RILP: variants seen among roughly 807,000 people sequenced by gnomAD.
RILP encodes the protein Rab interacting lysosomal protein, also known as rab-interacting lysosomal protein.
RILP carries 53 observed loss-of-function variants against 40.0 expected under a neutral mutation model. The observed-to-expected ratio is 1.32, with a 90% CI of 1.06 to 1.66. The LOEUF is 1.66. RILP is among the 40% of genes most tolerant of loss of function. The pLI, the probability that RILP is intolerant of heterozygous loss-of-function variation, is 0.00. For synonymous variants in RILP, 272 were observed against 250.6 expected, an observed-to-expected ratio of 1.09 and a Z score of -0.80; for missense variants, 626 against 551.7, an observed-to-expected ratio of 1.13 and a Z score of -1.35.
Position 1,646,276 on chromosome 17 carries a change from T to G in RILP, c.*166A>C. 1 of 548,078 alleles carries G rather than the reference T, an allele frequency of 1.8e-6. No homozygotes were observed. Among genetic ancestry groups the G allele is most frequent in the South Asian group, 3.3e-5 (1 of 30,730 alleles). 34.0% of individuals were successfully genotyped at this position (548,078 alleles called of 1,614,324 possible). On this transcript the variant is annotated 3_prime_UTR_variant, in exon 8 of 8. Coordinates refer to ENST00000301336, the MANE Select transcript of RILP (RefSeq NM_031430.3). This position sits in a 1 kb window ranked among gnomAD's most constrained non-coding sequence, Gnocchi z 4.3. ...TGAGACTCAGAGAGGCACTCTTATA[T>G]CTGGCCCCAGAGGCTCGGTACAGAG...
rs183827902 is a variant in RILP, at chr17:1,649,225, C to T, written c.404G>A (p.Arg135Gln). 0.015 allele frequency: 22,347 copies of T among 1,489,636 alleles called. 222 individuals carry two copies. The highest frequency in any genetic ancestry group is 0.017 in the Non-Finnish European group (19,375 of 1,127,200). The allele number at this position is 1,489,636 out of a possible 1,614,324, so 92.3% of individuals were successfully genotyped here. The stretch of plus-strand genomic sequence containing the variant: ...CGCCTCGGTCTCCTGGCCGCGCTGC[C>T]GCAGGTCGCGGTTGTGCGCCCGGAG... ...DELRAHNRDL[R>Q]QRGQETEALQ... Residue 135 changes from arginine (R) to glutamine (Q), a missense_variant, in exon 3 of 8, where the codon CGG becomes CAG. Arg to Gln is a conservative substitution (Grantham distance 43). Coordinates refer to ENST00000301336, the MANE Select transcript of RILP (RefSeq NM_031430.3). The surrounding 1 kb of genome is among the most constrained non-coding windows in gnomAD (Gnocchi z 4.3).
chr17:1,647,288 T>C (rs913813049), intron 6 of RILP, among the ~76,000 whole-genome samples: 50 of 152,028 alleles, frequency 3.3e-4, no homozygotes, highest in African/African-American at 1.1e-3. Context: ...TATAGGCACA[T>C]GCCACCATGC....
At chr17:1,647,103 C>T in intron 6 of RILP, 114 bp from the exon 7 acceptor site, 1 of 558,862 alleles carries the variant, frequency 1.8e-6, no homozygotes. Context: ...GGAGAGAAGG[C>T]AACCCTGGGG....
At position 1,649,432 on chromosome 17, in the gene RILP, T is replaced by C; in HGVS notation, c.302A>G (p.Glu101Gly). 1.3e-6 allele frequency: 2 copies of C among 1,508,962 alleles called. No individual in the cohort carries two copies. The allele number at this position is 1,508,962 out of a possible 1,614,324, so 93.5% of individuals were successfully genotyped here. A position where few individuals can be genotyped will look rare whatever the true frequency, so the allele number is the denominator to read the frequency against. ...CTTACCCTGTGGCCCCGCGCGCAGC[T>C]CCCTGCGGAGGCGCTCGTTCTCCTC... ...LREENERLRR[E>G]LRAGPQEERA... The change falls in exon 2 of 8, where the codon GAG becomes GGG. Residue 101 changes from glutamate to glycine, a missense_variant. Coordinates refer to ENST00000301336, the MANE Select transcript of RILP (RefSeq NM_031430.3). The surrounding 1 kb of genome is among the most constrained non-coding windows in gnomAD (Gnocchi z 4.3).
chr17:1,647,081 G>T (rs1910640649), intron 6 of RILP, 92 bp from the exon 7 acceptor site: 1 of 756,644 alleles, frequency 1.3e-6, no homozygotes, highest in Non-Finnish European at 2.0e-6. Context: ...GGACTGCAGG[G>T]CCCCCGGGGC....
chr17:1,648,592 G>A lies in RILP; in HGVS notation c.676-97C>T. 6.6e-7 allele frequency: 1 copy of A among 1,511,876 alleles called. No individual in the cohort carries two copies. The highest frequency in any genetic ancestry group is 2.3e-5 in the East Asian group (1 of 43,258). 93.7% of individuals were successfully genotyped at this position (1,511,876 alleles called of 1,614,324 possible). On this transcript the variant is annotated intron_variant, in intron 4 of 7. Coordinates refer to ENST00000301336, the MANE Select transcript of RILP (RefSeq NM_031430.3). This position sits in a 1 kb window ranked among gnomAD's most constrained non-coding sequence, Gnocchi z 4.9. The stretch of plus-strand genomic sequence containing the variant: ...TGCTAGAGGAAGTGACGGGCCGGGA[G>A]ACTTGGGGGACAAGGGTGCCCTAAC...
chr17:1,646,835 A>T lies in RILP; in HGVS notation c.1028+71T>A. The T allele has an allele frequency of 8.2e-7, 1 of 1,218,274 alleles. No individual in the cohort carries two copies. The highest frequency in any genetic ancestry group is 1.1e-6 in the Non-Finnish European group (1 of 873,170). The allele number at this position is 1,218,274 out of a possible 1,614,324, so 75.5% of individuals were successfully genotyped here. A position where few individuals can be genotyped will look rare whatever the true frequency, so the allele number is the denominator to read the frequency against. ...GACGGGCAGAGAAGCGGGAAAGGGGATCCTGAGAAGGACCAGCCAGGGCCC... is the reference window on the plus strand; with the variant it reads ...GACGGGCAGAGAAGCGGGAAAGGGGTTCCTGAGAAGGACCAGCCAGGGCCC... On this transcript the variant is annotated intron_variant, in intron 7 of 7. Transcript: ENST00000301336. The surrounding 1 kb of genome is among the most constrained non-coding windows in gnomAD (Gnocchi z 4.3).
intron 6 of RILP, among the ~76,000 whole-genome samples, 190 bp from the exon 7 acceptor site, chr17:1,647,179 G>A (rs1255819060): frequency 6.6e-6 from 1 of 151,334 alleles, no homozygotes; most frequent in East Asian, 1.9e-4. Flanking sequence ...TCACTCTGTC[G>A]CCCAGGCTGG....
In RILP at chr17:1,648,302, G is replaced by C. The variant is rs1380720384; in HGVS notation, c.821+48C>G. The C allele has an allele frequency of 1.9e-6, 3 of 1,594,428 alleles. No homozygotes were observed. The African/African-American group carries it at 4.0e-5, about 21-fold the overall frequency. Reference sequence around the variant, plus strand: ...CACTGTGGACATGTCAATGACTGGAGAATGAGGTGGGGTGATCGGAGGCCC... The same window carrying C: ...CACTGTGGACATGTCAATGACTGGACAATGAGGTGGGGTGATCGGAGGCCC... On this transcript the variant is annotated intron_variant, in intron 5 of 7. Coordinates refer to ENST00000301336, the MANE Select transcript of RILP (RefSeq NM_031430.3). The surrounding 1 kb of genome is among the most constrained non-coding windows in gnomAD (Gnocchi z 4.9).
At position 1,647,704 on chromosome 17, in the gene RILP, AG is replaced by A. The variant is rs1910697154; in HGVS notation, c.944+130del. ...GAAGCGGCCAGGCTAGGGAGGCTCAAGGGGTGACCGGGTTGGGGTGACAGCC... is the reference window on the plus strand; with the variant it reads ...GAAGCGGCCAGGCTAGGGAGGCTCAAGGGTGACCGGGTTGGGGTGACAGCC... On this transcript the variant is annotated intron_variant, in intron 6 of 7. Transcript: ENST00000301336. The A allele has an allele frequency of 2.5e-6, 3 of 1,197,872 alleles. No individual in the cohort carries two copies. The East Asian group carries it at 7.0e-5, about 28-fold the overall frequency. 74.2% of individuals were successfully genotyped at this position (1,197,872 alleles called of 1,614,324 possible). A position where few individuals can be genotyped will look rare whatever the true frequency, so the allele number is the denominator to read the frequency against.
chr17:1,647,215 C>T (rs1910655111), intron 6 of RILP, among the ~76,000 whole-genome samples: 1 of 152,086 alleles, frequency 6.6e-6, no homozygotes, highest in Admixed American at 6.5e-5. Flanking sequence ...TCTCAGCTCA[C>T]TGCAACCTCC....
rs748397950 is a variant in RILP, at chr17:1,646,503, G to A, written c.1145C>T (p.Pro382Leu). Residue 382 changes from proline to leucine, a missense_variant, in exon 8 of 8, where the codon CCG (proline) becomes CTG (leucine). By Grantham distance (98) the Pro-to-Leu change is moderately conservative. Coordinates refer to ENST00000301336, the MANE Select transcript of RILP (RefSeq NM_031430.3). This position sits in a 1 kb window ranked among gnomAD's most constrained non-coding sequence, Gnocchi z 4.3. ...GTGTTCGTGGAGGGCAGAACAGGGC[G>A]GATCAGGAGCTGGAGACTGTGGTTG... The part of the protein sequence containing the change: ...EAQPQSPAPD[P>L]PCSALHEHLC... 9 of 1,612,948 alleles carry A rather than the reference G, an allele frequency of 5.6e-6. No individual in the cohort carries two copies. The highest frequency in any genetic ancestry group is 2.7e-5 in the African/African-American group (2 of 74,906).
chr17:1,646,818 G>C lies in RILP; in HGVS notation c.1028+88C>G. ...GCCAAGCACAGCAGGGTGACGGGCA[G>C]AGAAGCGGGAAAGGGGATCCTGAGA... is the stretch of plus-strand genomic sequence containing the variant. On this transcript the variant is annotated intron_variant, in intron 7 of 7. Coordinates refer to ENST00000301336, the MANE Select transcript of RILP (RefSeq NM_031430.3). The surrounding 1 kb of genome is among the most constrained non-coding windows in gnomAD (Gnocchi z 4.3). 3.5e-6 allele frequency: 4 copies of C among 1,128,658 alleles called. No individual in the cohort carries two copies. Among genetic ancestry groups the C allele is most frequent in the Non-Finnish European group, 5.0e-6 (4 of 795,180 alleles). The allele number at this position is 1,128,658 out of a possible 1,614,324, so 69.9% of individuals were successfully genotyped here. A position where few individuals can be genotyped will look rare whatever the true frequency, so the allele number is the denominator to read the frequency against.
At chr17:1,647,989 C>A (rs745849671) in intron 5 of RILP, 32 bp from the exon 6 acceptor site, 1 of 1,611,676 alleles carries the variant, frequency 6.2e-7, no homozygotes, top group East Asian at 2.2e-5. Flanking sequence ...GGAGAAAGCC[C>A]TGGTGATGCC....
rs765560495 is a variant in RILP at position 1,649,402 on chromosome 17, C to T, written c.322+10G>A. Reference sequence around the variant, plus strand: ...GTCACCCGCCCTGCCCTGGCCGGGGCTGCGCTTACCCTGTGGCCCCGCGCG... The same window carrying T: ...GTCACCCGCCCTGCCCTGGCCGGGGTTGCGCTTACCCTGTGGCCCCGCGCG... On this transcript the variant is annotated intron_variant, in intron 2 of 7. Coordinates refer to ENST00000301336, the MANE Select transcript of RILP (RefSeq NM_031430.3). This position sits in a 1 kb window ranked among gnomAD's most constrained non-coding sequence, Gnocchi z 4.3. 9 of 1,503,960 alleles carry T rather than the reference C, an allele frequency of 6.0e-6. No individual in the cohort carries two copies. The highest frequency in any genetic ancestry group is 2.9e-5 in the African/African-American group (2 of 69,056). The allele number at this position is 1,503,960 out of a possible 1,614,324, so 93.2% of individuals were successfully genotyped here.
Position 1,648,072 on chromosome 17 carries a change from C to A in RILP, c.822-115G>T. ...CTGGTACCTGTGCACGCAGCTCTTC[C>A]CTGAACACGGGAAGCGCTCTGCCTT... is the stretch of plus-strand genomic sequence containing the variant. On this transcript the variant is annotated intron_variant, in intron 5 of 7. Transcript: ENST00000301336. This position sits in a 1 kb window ranked among gnomAD's most constrained non-coding sequence, Gnocchi z 4.9. 1 of 1,407,230 alleles carries A rather than the reference C, an allele frequency of 7.1e-7. No individual in the cohort carries two copies. Among genetic ancestry groups the A allele is most frequent in the Non-Finnish European group, 9.7e-7 (1 of 1,030,836 alleles). The allele number at this position is 1,407,230 out of a possible 1,614,324, so 87.2% of individuals were successfully genotyped here.
Position 1,646,904 on chromosome 17 carries a change from A to G in RILP, c.1028+2T>C, listed in dbSNP as rs757622744. On this transcript the variant is annotated splice_donor_variant, in intron 7 of 7. Coordinates refer to ENST00000301336, the MANE Select transcript of RILP (RefSeq NM_031430.3). LOFTEE classifies it high-confidence loss of function. This position sits in a 1 kb window ranked among gnomAD's most constrained non-coding sequence, Gnocchi z 4.3. The stretch of plus-strand genomic sequence containing the variant: ...CTTGCCTTTCCCCTTTCCCCAACAT[A>G]CAAACTCTGTATTTTGGACTCCGGG... 2 of 1,589,506 alleles carry G rather than the reference A, an allele frequency of 1.3e-6. No individual in the cohort carries two copies. Among genetic ancestry groups the G allele is most frequent in the East Asian group, 4.5e-5 (2 of 44,364 alleles).
chr17:1,646,750 G>T lies in RILP; in HGVS notation c.1029-131C>A. 9.1e-7 allele frequency: 1 copy of T among 1,101,434 alleles called. No homozygotes were observed. The allele number at this position is 1,101,434 out of a possible 1,614,324, so 68.2% of individuals were successfully genotyped here. On this transcript the variant is annotated intron_variant, in intron 7 of 7. Coordinates refer to ENST00000301336, the MANE Select transcript of RILP (RefSeq NM_031430.3). The surrounding 1 kb of genome is among the most constrained non-coding windows in gnomAD (Gnocchi z 4.3). ...CAGCCTGAGGGAGTGTGAAGGTGAT[G>T]GGGGCCAGGGCCAGAGAAGCAGGAG... is the stretch of plus-strand genomic sequence containing the variant.
chr17:1,647,713 C>T (rs1910697651), intron 6 of RILP, 122 bp downstream of exon 6: 11 of 1,294,390 alleles, frequency 8.5e-6, no homozygotes, highest in South Asian at 6.2e-5. Context: ...AAGGGGTGAC[C>T]GGGTTGGGGT....
Sources: allele counts gnomAD v4.1 joint callset (sites outside exome capture counted in the v4.1 genomes callset), GRCh38; gene constraint gnomAD v4.1.1; non-coding constraint Gnocchi (gnomAD v3.1); transcripts MANE v1.5; gene names NCBI Gene and HGNC (gene_info 2026-07-23, HGNC 2026-07-21).